The following HSCB variants were observed in gnomAD, a reference collection of about 807,000 sequenced individuals.
HSCB encodes HscB mitochondrial iron-sulfur cluster cochaperone, also known as iron-sulfur cluster co-chaperone protein HscB.
In HSCB, 23 loss-of-function variants were observed where a neutral mutation model predicts 31.3. That is an observed-to-expected ratio of 0.74 (90% CI 0.53 to 1.04). The LOEUF (loss-of-function observed/expected upper bound fraction) is 1.04, where lower values mean the gene tolerates loss of function less well. HSCB is among the 50% of genes least tolerant of loss of function. The probability of loss-of-function intolerance (pLI) is 0.00; values close to 1 mark genes in which losing one functional copy is unlikely to be tolerated. For synonymous variants in HSCB, 110 were observed against 104.5 expected (o/e 1.05, Z -0.32); for missense variants, 297 against 288.1 (o/e 1.03, Z -0.22).
chr22:28,744,631 CAG>C lies in HSCB; in HGVS notation c.354_355del (p.Lys119AlafsTer7). On this transcript the variant is annotated frameshift_variant, in exon 3 of 6. Coordinates refer to ENST00000216027, the MANE Select transcript of HSCB (RefSeq NM_172002.5). LOFTEE classifies it high-confidence loss of function. ...CACTAACAGACTGAAAAGGACTTCT[CAG>C]AGAAGCATTCGACCCTGGTGAATGA... 5.6e-6 allele frequency: 9 copies of C among 1,613,112 alleles called. No homozygotes were observed. The highest frequency in any genetic ancestry group is 7.6e-6 in the Non-Finnish European group (9 of 1,179,038).
chr22:28,745,890 T>C lies in HSCB; in HGVS notation c.450T>C (p.Pro150=). The part of the protein sequence containing the change: ...YLLKLHGIEI[P]ERTDYEMDRQ... ...TAAAGCTCCATGGAATAGAGATTCC[T>C]GAAAGGACAGATTATGAAATGGACA... The change falls in exon 4 of 6, where the codon CCT becomes CCC. Residue 150 remains proline, a synonymous_variant. Coordinates refer to ENST00000216027, the MANE Select transcript of HSCB (RefSeq NM_172002.5). 6.2e-7 allele frequency: 1 copy of C among 1,612,704 alleles called. No individual in the cohort carries two copies. The highest frequency in any genetic ancestry group is 2.2e-5 in the East Asian group (1 of 44,844).
In HSCB at chr22:28,754,759, G is replaced by GGCTA. The variant is rs557914425; in HGVS notation, c.617-2318_617-2315dup. Among the ~76,000 whole-genome samples, 235 of 151,700 alleles carry GGCTA rather than the reference G, an allele frequency of 1.5e-3. 1 individual carries two copies. Among genetic ancestry groups the GGCTA allele is most frequent in the Middle Eastern group, 6.8e-3 (2 of 294 alleles). The stretch of plus-strand genomic sequence containing the variant: ...GTCATTGAACTGTACACTTAGAAAT[G>GGCTA]GCTAACATGATGAATTTTATGTCAT... On this transcript the variant is annotated intron_variant, in intron 5 of 5. Transcript: ENST00000216027.
At chr22:28,754,065 G>GC (rs2030438534) in intron 5 of HSCB, among the ~76,000 whole-genome samples, 1 of 151,950 alleles carries the variant, frequency 6.6e-6, no homozygotes, top group East Asian at 1.9e-4. Flanking sequence ...ATTGGAAGGT[G>GC]GAGTTTGCAG....
At chr22:28,742,986 TTAAAA>T (rs2054608940) in intron 1 of HSCB, among the ~76,000 whole-genome samples, 1 of 151,906 alleles carries the variant, frequency 6.6e-6, no homozygotes, top group Non-Finnish European at 1.5e-5. Flanking sequence ...AGGGGCTGAA[TTAAAA>T]TAAACCGGGA....
chr22:28,756,507 C>T (rs535757587), intron 5 of HSCB, among the ~76,000 whole-genome samples: 4 of 149,840 alleles, frequency 2.7e-5, no homozygotes, highest in South Asian at 2.1e-4. Flanking sequence ...CTCACCCTGT[C>T]GCCCAGGTTG....
At chr22:28,756,309 C>T (rs953637695) in intron 5 of HSCB, among the ~76,000 whole-genome samples, 3 of 151,916 alleles carry the variant, frequency 2.0e-5, no homozygotes, top group African/African-American at 7.3e-5. Flanking sequence ...AACTATAAGC[C>T]CCCGGAGGGT....
chr22:28,751,178 T>G, intron 4 of HSCB, 63 bp from the exon 5 acceptor site: 1 of 969,972 alleles, frequency 1.0e-6, no homozygotes, highest in Non-Finnish European at 1.6e-6. Flanking sequence ...AAAGTTTAAG[T>G]ATTGTCTTCA....
chr22:28,743,223 A>AG (rs2054616419), intron 1 of HSCB, among the ~76,000 whole-genome samples: 2 of 152,120 alleles, frequency 1.3e-5, no homozygotes, highest in African/African-American at 4.8e-5. Context: ...AGTAAACGGG[A>AG]TTCTGGCTAA....
At chr22:28,755,353 T>C (rs990906235) in intron 5 of HSCB, among the ~76,000 whole-genome samples, 2 of 151,804 alleles carry the variant, frequency 1.3e-5, no homozygotes, top group Admixed American at 6.6e-5. Context: ...GAGTTTGCAG[T>C]GAGCCAAGAT....
intron 4 of HSCB, among the ~76,000 whole-genome samples, chr22:28,748,147 T>C (rs915283902): frequency 2.6e-5 from 4 of 152,200 alleles, no homozygotes; most frequent in Non-Finnish European, 5.9e-5. Context: ...ATTGTGCCAC[T>C]GCACTCCAGC....
intron 5 of HSCB, among the ~76,000 whole-genome samples, chr22:28,756,669 T>G (rs965716767): frequency 6.6e-6 from 1 of 151,950 alleles, no homozygotes; most frequent in Admixed American, 6.6e-5. Context: ...TTATTTTTTA[T>G]TTTTGGTAAA....
At chr22:28,749,059 T>C (rs966401650) in intron 4 of HSCB, among the ~76,000 whole-genome samples, 1 of 151,940 alleles carries the variant, frequency 6.6e-6, no homozygotes, top group Non-Finnish European at 1.5e-5. Flanking sequence ...AAGGATCACT[T>C]GAGCCCAGGA....
intron 5 of HSCB, among the ~76,000 whole-genome samples, chr22:28,756,684 G>T (rs557821124): frequency 2.0e-5 from 3 of 151,666 alleles, no homozygotes; most frequent in African/African-American, 7.3e-5. Context: ...GGTAAAGACA[G>T]GGTCTTGCTT....
At chr22:28,750,945 C>CTTTTTTTTTGTTTTTTTTT (rs2030189296) in intron 4 of HSCB, among the ~76,000 whole-genome samples, 1 of 56,452 alleles carries the variant, frequency 1.8e-5, no homozygotes, top group African/African-American at 6.7e-5. Context: ...ATATCTTTGT[C>CTTTTTTTTTGTTTTTTTTT]TTTTTTTTTT....
intron 3 of HSCB, among the ~76,000 whole-genome samples, chr22:28,744,966 C>T (rs1444141486): frequency 6.6e-6 from 1 of 151,562 alleles, no homozygotes; most frequent in Non-Finnish European, 1.5e-5. Flanking sequence ...ACCTGTAGTC[C>T]CAGCTACTCT....
Position 28,744,686 on chromosome 22 carries a change from G to C in HSCB, c.405G>C (p.Leu135=). Residue 135 remains leucine (L), a synonymous_variant, in exon 3 of 6, where the codon CTG becomes CTC. Transcript: ENST00000216027. ...NDAYKTLLAP[L]SRGLYLLKLH... ...CCTATAAGACCCTCCTGGCCCCCCT[G>C]AGCAGAGGACTGTACCTTGTAAGGT... is the stretch of plus-strand genomic sequence containing the variant. The C allele has an allele frequency of 6.2e-7, 1 of 1,613,582 alleles. No homozygotes were observed. The highest frequency in any genetic ancestry group is 8.5e-7 in the Non-Finnish European group (1 of 1,179,484).
intron 1 of HSCB, 104 bp from the exon 2 acceptor site, chr22:28,743,778 C>T (rs1382541147): frequency 2.2e-6 from 2 of 928,504 alleles, no homozygotes; most frequent in African/African-American, 3.2e-5. Context: ...AAATTAACTG[C>T]TTATATGTTA....
At chr22:28,751,917 C>A (rs2030284288) in intron 5 of HSCB, among the ~76,000 whole-genome samples, 1 of 151,548 alleles carries the variant, frequency 6.6e-6, no homozygotes, top group South Asian at 2.1e-4. Context: ...TGGTGAAACT[C>A]CAGCTCTACT....
intron 5 of HSCB, among the ~76,000 whole-genome samples, chr22:28,753,628 G>A (rs982982647): frequency 6.7e-6 from 1 of 148,466 alleles, no homozygotes; most frequent in Non-Finnish European, 1.5e-5. Flanking sequence ...CATGAGGTGA[G>A]GAGATCGAGA....
Sources: allele counts gnomAD v4.1 joint callset (sites outside exome capture counted in the v4.1 genomes callset), GRCh38; gene constraint gnomAD v4.1.1; transcripts MANE v1.5; gene names NCBI Gene and HGNC (gene_info 2026-07-23, HGNC 2026-07-21).